The following CDK5RAP2 variants were observed in gnomAD, a reference collection of about 807,000 sequenced individuals.
CDK5RAP2 encodes the protein CDK5 regulatory subunit associated protein 2.
CDK5RAP2 carries 147 observed loss-of-function variants against 232.9 expected under a neutral mutation model. The observed-to-expected ratio is 0.63, with a 90% CI of 0.55 to 0.72. CDK5RAP2 has a LOEUF of 0.72. Ranked by LOEUF, CDK5RAP2 falls within the 30% of genes least tolerant of loss-of-function variation. CDK5RAP2 has a pLI of 0.00. For missense variants in CDK5RAP2, 2,195 were observed against 2,231.5 expected (o/e 0.98, Z 0.33); for synonymous variants, 833 against 833.7 (o/e 1.00, Z 0.01).
chr9:120,578,092 A>T lies in CDK5RAP2; in HGVS notation c.59+1828T>A, dbSNP rs140299633. Among the ~76,000 whole-genome samples, 9 of 152,252 alleles carry T rather than the reference A, an allele frequency of 5.9e-5. 1 individual carries two copies. In the East Asian group the frequency reaches 1.7e-3, roughly 29 times the overall value. ...AGACCATCCTGGCCAACATGGTGAAATCCCGTCTCTACTAAAATACAAAAA... is the reference window on the plus strand; with the variant it reads ...AGACCATCCTGGCCAACATGGTGAATTCCCGTCTCTACTAAAATACAAAAA... On this transcript the variant is annotated intron_variant, in intron 1 of 37. Coordinates refer to ENST00000349780, the MANE Select transcript of CDK5RAP2 (RefSeq NM_018249.6).
rs139687508 is a variant in CDK5RAP2 at position 120,575,954 on chromosome 9, C to T, written c.60-3913G>A. Among the ~76,000 whole-genome samples, 1,073 of 152,294 alleles carry T rather than the reference C, an allele frequency of 7.0e-3. 12 individuals are homozygous for T. The highest frequency in any genetic ancestry group is 0.024 in the African/African-American group (995 of 41,552). The stretch of plus-strand genomic sequence containing the variant: ...TTTTCAACTCCTACAAAGCTTTCTA[C>T]AGCAGTGTTCTTCAAACCTTACTGA... On this transcript the variant is annotated intron_variant, in intron 1 of 37. Coordinates refer to ENST00000349780, the MANE Select transcript of CDK5RAP2 (RefSeq NM_018249.6).
At chr9:120,532,122 G>C (rs1005613355) in intron 7 of CDK5RAP2, among the ~76,000 whole-genome samples, 9 of 152,060 alleles carry the variant, frequency 5.9e-5, no homozygotes, top group African/African-American at 2.2e-4. Context: ...CTAAGGGGAG[G>C]GGTAGCCTCA....
At position 120,415,028 on chromosome 9, in the gene CDK5RAP2, G is replaced by T. The variant is rs188897422; in HGVS notation, c.4297+12C>A. 966 of 1,613,992 alleles carry T rather than the reference G, an allele frequency of 6.0e-4. 8 individuals carry two copies. Among genetic ancestry groups the T allele is most frequent in the Non-Finnish European group, 3.5e-4 (409 of 1,179,864 alleles). On this transcript the variant is annotated intron_variant, in intron 28 of 37. Coordinates refer to ENST00000349780, the MANE Select transcript of CDK5RAP2 (RefSeq NM_018249.6). ...CAGACATGTACAGTCCTCCAGGAAG[G>T]TCTTTCCTTACCTTGAACAAATTCA...
At chr9:120,540,819 T>C (rs146831783) in intron 5 of CDK5RAP2, among the ~76,000 whole-genome samples, 1 of 152,358 alleles carries the variant, frequency 6.6e-6, no homozygotes, top group Admixed American at 6.5e-5. Context: ...CTCTGCACAC[T>C]AGCCCTTGGC....
intron 25 of CDK5RAP2, among the ~76,000 whole-genome samples, chr9:120,426,272 A>T (rs536705659): frequency 6.6e-6 from 1 of 152,348 alleles, no homozygotes; most frequent in South Asian, 2.1e-4. Context: ...ATGACAGGTG[A>T]CACAGCCCCA....
intron 23 of CDK5RAP2, among the ~76,000 whole-genome samples, chr9:120,440,579 A>C (rs911479496): frequency 6.6e-6 from 1 of 152,234 alleles, no homozygotes; most frequent in African/African-American, 2.4e-5. Flanking sequence ...CACCTTATGC[A>C]TATTACTCAA....
At chr9:120,446,077 A>G (rs1374022024) in intron 22 of CDK5RAP2, among the ~76,000 whole-genome samples, 1 of 152,180 alleles carries the variant, frequency 6.6e-6, no homozygotes, top group African/African-American at 2.4e-5. Context: ...CAAATAATAA[A>G]TACTTTAGGC....
At chr9:120,484,458 A>G (rs1316069950) in intron 14 of CDK5RAP2, among the ~76,000 whole-genome samples, 2 of 152,110 alleles carry the variant, frequency 1.3e-5, no homozygotes, top group Non-Finnish European at 2.9e-5. Context: ...GCAGTGGCTC[A>G]TGCCTGTAAT....
chr9:120,525,203 C>G (rs74409253), intron 10 of CDK5RAP2, 125 bp from the exon 11 acceptor site: 141 of 770,454 alleles, frequency 1.8e-4, no homozygotes, highest in African/African-American at 1.6e-3. Context: ...AGAAGAGATT[C>G]GAGTGGGATT....
intron 25 of CDK5RAP2, among the ~76,000 whole-genome samples, chr9:120,434,324 G>A (rs1038991133): frequency 6.6e-6 from 1 of 152,176 alleles, no homozygotes; most frequent in East Asian, 1.9e-4. Flanking sequence ...CAGTAGCTGG[G>A]GAGGGGAAGC....
chr9:120,501,754 G>A (rs2039585282), intron 12 of CDK5RAP2, among the ~76,000 whole-genome samples: 1 of 152,144 alleles, frequency 6.6e-6, no homozygotes, highest in Admixed American at 6.5e-5. Context: ...TCCACCAGCT[G>A]AAGACCATGA....
chr9:120,497,158 G>A (rs1405924789), intron 12 of CDK5RAP2, among the ~76,000 whole-genome samples: 465 of 121,448 alleles, frequency 3.8e-3, no homozygotes, highest in African/African-American at 0.018. Flanking sequence ...ACTCAGGGTT[G>A]AATGGATTAA....
chr9:120,422,329 G>A (rs1401960533), intron 26 of CDK5RAP2, among the ~76,000 whole-genome samples: 3 of 152,186 alleles, frequency 2.0e-5, no homozygotes, highest in Non-Finnish European at 2.9e-5. Context: ...GAAGGGAAGC[G>A]AGGAGAATGG....
At chr9:120,423,323 A>C (rs1484828278) in intron 25 of CDK5RAP2, among the ~76,000 whole-genome samples, 2 of 152,136 alleles carry the variant, frequency 1.3e-5, no homozygotes, top group Non-Finnish European at 2.9e-5. Flanking sequence ...TCATTTGCAA[A>C]TTTTCACTTT....
At chr9:120,461,698 C>T (rs1248008460) in intron 18 of CDK5RAP2, among the ~76,000 whole-genome samples, 1 of 152,036 alleles carries the variant, frequency 6.6e-6, no homozygotes, top group Admixed American at 6.5e-5. Context: ...AAAAATTCGC[C>T]GGGTGTGGTG....
intron 9 of CDK5RAP2, among the ~76,000 whole-genome samples, chr9:120,528,497 C>G (rs1398956149): frequency 6.6e-6 from 1 of 152,182 alleles, no homozygotes; most frequent in African/African-American, 2.4e-5. Flanking sequence ...GCTATGTGCT[C>G]TTAGGCAAGT....
intron 35 of CDK5RAP2, 134 bp downstream of exon 35, chr9:120,400,608 C>T (rs889627683): frequency 2.3e-5 from 24 of 1,031,002 alleles, no homozygotes; most frequent in Middle Eastern, 3.1e-4. Flanking sequence ...CCATGGCAAA[C>T]GGTGCCATCT....
intron 26 of CDK5RAP2, among the ~76,000 whole-genome samples, chr9:120,422,356 T>C (rs1425669596): frequency 6.6e-6 from 1 of 151,994 alleles, no homozygotes; most frequent in Non-Finnish European, 1.5e-5. Flanking sequence ...GAGAAGAGAA[T>C]TGGGGTCAGA....
chr9:120,429,859 ATAC>A (rs1389550213), intron 25 of CDK5RAP2, among the ~76,000 whole-genome samples: 1 of 152,220 alleles, frequency 6.6e-6, no homozygotes, highest in Non-Finnish European at 1.5e-5. Flanking sequence ...ACTTCAAACT[ATAC>A]TACAAGGCTA....
Sources: gnomAD v4.1 joint callset for allele counts (sites outside exome capture counted in the v4.1 genomes callset) on GRCh38, gnomAD v4.1.1 for gene constraint, MANE v1.5 for transcripts, NCBI Gene and HGNC (gene_info 2026-07-23, HGNC 2026-07-21) for gene names.